The following NRG1 variants were observed in gnomAD, a reference collection of about 807,000 sequenced individuals.
NRG1 encodes the protein pro-neuregulin-1, membrane-bound isoform.
Under a neutral mutation model 63.8 loss-of-function variants are expected in NRG1, and 18 were observed. That is an observed-to-expected ratio of 0.28 (90% CI 0.19 to 0.42). The LOEUF (loss-of-function observed/expected upper bound fraction) is 0.42, where lower values mean the gene tolerates loss of function less well. Among genes scored for constraint, NRG1 ranks in the 10% least tolerant of loss-of-function variants. The probability of loss-of-function intolerance (pLI) is 1.00; values close to 1 mark genes in which losing one functional copy is unlikely to be tolerated. For missense variants in NRG1, 762 were observed against 814.7 expected, an observed-to-expected ratio of 0.94 and a Z score of 0.79; for synonymous variants, 302 against 301.3, an observed-to-expected ratio of 1.00 and a Z score of -0.02.
intron 7 of NRG1, among the ~76,000 whole-genome samples, chr8:32,743,677 A>C (rs2129041589): frequency 6.6e-6 from 1 of 150,846 alleles, no homozygotes; most frequent in Admixed American, 6.7e-5. Context: ...CATTCCTAAA[A>C]GACCCAATTC....
At position 32,180,472 on chromosome 8, in the gene NRG1, T is replaced by C. The variant is rs970181699; in HGVS notation, c.38-415356T>C. On this transcript the variant is annotated intron_variant, in intron 1 of 10. Coordinates refer to the NRG1 transcript ENST00000519301. ...AATAGCTTAAATATTTTAATAATTGTGATATAGTAATAAATGAACTTCTTT... is the reference window on the plus strand; with the variant it reads ...AATAGCTTAAATATTTTAATAATTGCGATATAGTAATAAATGAACTTCTTT... Among the ~76,000 whole-genome samples the C allele has an allele frequency of 9.9e-5, 15 of 152,260 alleles. 1 individual carries two copies. The highest frequency in any genetic ancestry group is 3.4e-4 in the African/African-American group (14 of 41,570).
At chr8:32,032,382 G>A (rs949640817) in intron 1 of NRG1, among the ~76,000 whole-genome samples, 1 of 152,006 alleles carries the variant, frequency 6.6e-6, no homozygotes, top group Admixed American at 6.6e-5. Context: ...TCCTGCCTCA[G>A]CCTCCGAAGT....
At chr8:31,822,302 T>C (rs1024219118) in intron 1 of NRG1, among the ~76,000 whole-genome samples, 4 of 152,194 alleles carry the variant, frequency 2.6e-5, no homozygotes, top group African/African-American at 9.7e-5. Flanking sequence ...CATTTGATTA[T>C]CTCTATGTGG....
chr8:31,924,950 G>A (rs745819482), intron 1 of NRG1, among the ~76,000 whole-genome samples: 5 of 151,280 alleles, frequency 3.3e-5, no homozygotes, highest in East Asian at 3.9e-4. Flanking sequence ...TAATTCTACC[G>A]TGGTCAGAGC....
At chr8:32,188,608 A>G (rs1842189126) in intron 1 of NRG1, among the ~76,000 whole-genome samples, 1 of 152,182 alleles carries the variant, frequency 6.6e-6, no homozygotes, top group South Asian at 2.1e-4. Flanking sequence ...TAAAAGTGGA[A>G]GAGGGAGGCA....
intron 1 of NRG1, among the ~76,000 whole-genome samples, chr8:31,656,685 T>C (rs1325985376): frequency 6.6e-6 from 1 of 152,218 alleles, no homozygotes; most frequent in Non-Finnish European, 1.5e-5. Flanking sequence ...AACGTGTTGC[T>C]GAAGGTCACT....
rs1443508976 is a variant in NRG1 at position 31,985,379 on chromosome 8, A to G, written c.37+345948A>G. ...CTACCCATGATTAGCGAGCATTTAT[A>G]GAAAGAAGCAATAAGTTCTTTCAGT... On this transcript the variant is annotated intron_variant, in intron 1 of 10. Coordinates refer to the NRG1 transcript ENST00000519301. Among the ~76,000 whole-genome samples, 3 of 152,136 alleles carry G rather than the reference A, an allele frequency of 2.0e-5. No homozygotes were observed. The South Asian group carries it at 6.2e-4, about 31-fold the overall frequency.
chr8:32,146,735 T>TA (rs1563838951), intron 1 of NRG1, among the ~76,000 whole-genome samples: 2 of 152,080 alleles, frequency 1.3e-5, no homozygotes, highest in African/African-American at 4.8e-5. Flanking sequence ...TTCTTTTTTT[T>TA]TAAAAAAAGC....
intron 1 of NRG1, among the ~76,000 whole-genome samples, chr8:32,447,727 G>C (rs998075235): frequency 2.0e-5 from 3 of 151,878 alleles, no homozygotes; most frequent in African/African-American, 7.3e-5. Flanking sequence ...TTTAAAATTA[G>C]TCGAGCATGG....
intron 1 of NRG1, among the ~76,000 whole-genome samples, chr8:32,189,151 G>A (rs772133935): frequency 1.1e-4 from 16 of 151,950 alleles, no homozygotes; most frequent in African/African-American, 2.4e-4. Flanking sequence ...GATTCAGGGG[G>A]TTACATGTAC....
intron 1 of NRG1, among the ~76,000 whole-genome samples, chr8:32,571,414 C>G (rs779333590): frequency 6.6e-6 from 1 of 152,126 alleles, no homozygotes; most frequent in Non-Finnish European, 1.5e-5. Context: ...TAGTCAATGC[C>G]ATCGTGGTTT....
chr8:32,366,656 T>A lies in NRG1; in HGVS notation c.38-229172T>A, dbSNP rs570088305. Among the ~76,000 whole-genome samples, 192 of 65,474 alleles carry A rather than the reference T, an allele frequency of 2.9e-3. 4 individuals carry two copies. Among genetic ancestry groups the A allele is most frequent in the African/African-American group, 7.8e-3 (151 of 19,284 alleles). 43.0% of individuals were successfully genotyped at this position (65,474 alleles called of 152,430 possible). A position where few individuals can be genotyped will look rare whatever the true frequency, so the allele number is the denominator to read the frequency against. Reference sequence around the variant, plus strand: ...ATACACATATATGTAATATATATTGTGTGTGTGTGTGTGTGTGTGTGTATA... The same window carrying A: ...ATACACATATATGTAATATATATTGAGTGTGTGTGTGTGTGTGTGTGTATA... On this transcript the variant is annotated intron_variant, in intron 1 of 10. Coordinates refer to the NRG1 transcript ENST00000519301.
At chr8:31,840,473 C>T (rs1268844910) in intron 1 of NRG1, among the ~76,000 whole-genome samples, 1 of 151,068 alleles carries the variant, frequency 6.6e-6, no homozygotes. Context: ...CTGCATTCCA[C>T]CTGGACCCTG....
At chr8:31,693,532 C>T (rs961031304) in intron 1 of NRG1, among the ~76,000 whole-genome samples, 4 of 151,758 alleles carry the variant, frequency 2.6e-5, no homozygotes, top group Non-Finnish European at 5.9e-5. Flanking sequence ...ACATAGCAAC[C>T]TCTATGAAAT....
intron 1 of NRG1, among the ~76,000 whole-genome samples, chr8:32,356,273 G>T (rs1216048735): frequency 6.6e-6 from 1 of 152,068 alleles, no homozygotes; most frequent in Admixed American, 6.6e-5. Flanking sequence ...CCAATTCTTG[G>T]TTCAAAATAC....
At chr8:32,517,620 A>C (rs1322329703) in intron 1 of NRG1, among the ~76,000 whole-genome samples, 1 of 152,218 alleles carries the variant, frequency 6.6e-6, no homozygotes, top group Non-Finnish European at 1.5e-5. Context: ...CGAAATATAC[A>C]AAAAAGTTAA....
At chr8:32,501,343 A>G (rs1440577796) in intron 1 of NRG1, among the ~76,000 whole-genome samples, 1 of 152,104 alleles carries the variant, frequency 6.6e-6, no homozygotes, top group South Asian at 2.1e-4. Context: ...AATCAAAATC[A>G]TTATATCCAT....
Position 31,640,814 on chromosome 8 carries a change from C to T in NRG1, c.37+1383C>T, listed in dbSNP as rs376733799. On this transcript the variant is annotated intron_variant, in intron 1 of 10. Coordinates refer to the NRG1 transcript ENST00000519301. This position sits in a 1 kb window ranked among gnomAD's most constrained non-coding sequence, Gnocchi z 6.3. ...CGGGCAGCGGGGCTCGACGGCCGCC[C>T]GAGCAAGGCAGAGGCGCTCTGGGTC... The T allele has an allele frequency of 3.5e-5, 50 of 1,427,918 alleles. 1 individual carries two copies. The East Asian group carries it at 1.1e-3, about 32-fold the overall frequency. The allele number at this position is 1,427,918 out of a possible 1,614,324, so 88.5% of individuals were successfully genotyped here. A position where few individuals can be genotyped will look rare whatever the true frequency, so the allele number is the denominator to read the frequency against.
At chr8:31,681,831 T>C (rs1425164487) in intron 1 of NRG1, among the ~76,000 whole-genome samples, 1 of 151,928 alleles carries the variant, frequency 6.6e-6, no homozygotes, top group Non-Finnish European at 1.5e-5. Context: ...ATCACAGCAA[T>C]ATAGAGCAGA....
Sources: allele counts gnomAD v4.1 joint callset (sites outside exome capture counted in the v4.1 genomes callset), GRCh38; gene constraint gnomAD v4.1.1; non-coding constraint Gnocchi (gnomAD v3.1); transcripts MANE v1.5; gene names NCBI Gene and HGNC (gene_info 2026-07-23, HGNC 2026-07-21).